AXDND1: variants seen among roughly 807,000 people sequenced by gnomAD.
AXDND1 encodes the protein axonemal dynein light chain domain-containing protein 1.
Under a neutral mutation model 137.5 loss-of-function variants are expected in AXDND1, and 110 were observed. That is an observed-to-expected ratio of 0.80 (90% confidence interval 0.69 to 0.94). The LOEUF (loss-of-function observed/expected upper bound fraction) is 0.94, where lower values mean the gene tolerates loss of function less well. Among genes scored for constraint, AXDND1 ranks in the 40% least tolerant of loss-of-function variants. The pLI, the probability that AXDND1 is intolerant of heterozygous loss-of-function variation, is 0.00. For missense variants in AXDND1, 1,191 were observed against 1,169.8 expected (o/e 1.02, Z -0.26); for synonymous variants, 414 against 399.7 (o/e 1.04, Z -0.43).
rs186147427 is a variant in AXDND1 at position 179,542,730 on chromosome 1, T to C, written c.3031+7768T>C. On this transcript the variant is annotated intron_variant, in intron 25 of 25. Coordinates refer to ENST00000367618, the MANE Select transcript of AXDND1 (RefSeq NM_144696.6). ...TCCATTCCCACGAAAGTCTTGAGGA[T>C]TCGGTTAAATCCAGAACTGAGAAGT... 3.3e-5 allele frequency among the ~76,000 whole-genome samples: 5 copies of C among 152,334 alleles called. 1 individual carries two copies. Among genetic ancestry groups the C allele is most frequent in the Admixed American group, 3.3e-4 (5 of 15,310 alleles).
chr1:179,533,792 CAGAG>C lies in AXDND1; in HGVS notation c.2718_2721del (p.Arg906SerfsTer18). On this transcript the variant is annotated splice_acceptor_variant and coding_sequence_variant, in exon 24 of 26. Transcript: ENST00000367618. LOFTEE classifies it high-confidence loss of function. ...CATTCATATCTCATATTTCCTCTGT[CAGAG>C]AGAGTCAGCTAAGCAAGGTACATTG... 1 of 1,606,156 alleles carries C rather than the reference CAGAG, an allele frequency of 6.2e-7. No individual in the cohort carries two copies. Among genetic ancestry groups the C allele is most frequent in the Non-Finnish European group, 8.5e-7 (1 of 1,173,364 alleles).
intron 20 of AXDND1, among the ~76,000 whole-genome samples, chr1:179,495,035 C>G (rs2125591549): frequency 6.6e-6 from 1 of 152,244 alleles, no homozygotes. Context: ...TGGTATTATT[C>G]TGGACATTCT....
At chr1:179,382,605 C>T (rs1378585943) in intron 6 of AXDND1, 95 bp from the exon 7 acceptor site, 1 of 833,930 alleles carries the variant, frequency 1.2e-6, no homozygotes, top group South Asian at 1.7e-5. Context: ...GAGAATGGTA[C>T]TTAGAAACCA....
chr1:179,447,836 A>G (rs940990719), intron 16 of AXDND1: 3 of 1,306,112 alleles, frequency 2.3e-6, no homozygotes, highest in African/African-American at 1.4e-5. Context: ...GTAGTGCCCA[A>G]CATCCCACCT....
chr1:179,466,281 TCTTC>T (rs773518379), intron 16 of AXDND1, among the ~76,000 whole-genome samples: 64 of 105,284 alleles, frequency 6.1e-4, no homozygotes, highest in African/African-American at 9.9e-4. Context: ...TTCTTCTTCT[TCTTC>T]TTTTTTTTTT....
chr1:179,379,940 C>T (rs572739442), intron 6 of AXDND1, among the ~76,000 whole-genome samples: 1 of 152,000 alleles, frequency 6.6e-6, no homozygotes, highest in East Asian at 1.9e-4. Context: ...AGCCAGCCAT[C>T]CTAATACAAT....
chr1:179,391,085 C>T (rs1035337011), intron 9 of AXDND1, among the ~76,000 whole-genome samples: 2 of 149,044 alleles, frequency 1.3e-5, no homozygotes, highest in African/African-American at 4.9e-5. Context: ...GGATTACAGG[C>T]GTGAGCCACT....
chr1:179,507,349 C>T (rs1668632886), intron 20 of AXDND1, among the ~76,000 whole-genome samples: 2 of 152,066 alleles, frequency 1.3e-5, no homozygotes, highest in East Asian at 3.8e-4. Context: ...TTTTCCTCAT[C>T]AGAAGTCTTA....
In AXDND1 at chr1:179,432,347, G is replaced by A; in HGVS notation, c.1563+5G>A. ...GACTTCAAACAGTGGCAGAAGGTAA[G>A]ACTTTTTAATAAAGAGCTTGGCAAT... On this transcript the variant is annotated splice_donor_5th_base_variant and intron_variant, in intron 15 of 25. Transcript: ENST00000367618. 1 of 1,561,518 alleles carries A rather than the reference G, an allele frequency of 6.4e-7. No individual in the cohort carries two copies. Among genetic ancestry groups the A allele is most frequent in the Non-Finnish European group, 8.7e-7 (1 of 1,151,186 alleles).
intron 3 of AXDND1, among the ~76,000 whole-genome samples, 197 bp from the exon 4 acceptor site, chr1:179,369,778 C>A (rs1040401399): frequency 6.6e-6 from 1 of 152,122 alleles, no homozygotes; most frequent in African/African-American, 2.4e-5. Context: ...TAATTGCTAC[C>A]CTTAATGTTT....
intron 15 of AXDND1, among the ~76,000 whole-genome samples, chr1:179,432,616 AG>A (rs1651580214): frequency 6.6e-6 from 1 of 152,152 alleles, no homozygotes; most frequent in East Asian, 1.9e-4. Flanking sequence ...AGTAGATACA[AG>A]GTTTCACCAT....
chr1:179,370,760 A>C (rs542333951), intron 4 of AXDND1, among the ~76,000 whole-genome samples: 53 of 152,332 alleles, frequency 3.5e-4, no homozygotes, highest in African/African-American at 1.2e-3. Context: ...TTTACACTTA[A>C]CATACTTGAG....
intron 16 of AXDND1, chr1:179,455,593 C>CAAA (rs57868830): frequency 2.3e-3 from 191 of 83,198 alleles, no homozygotes; most frequent in Non-Finnish European, 3.3e-3. Context: ...GACTCCGTCT[C>CAAA]AAAAAAAAAA....
chr1:179,411,325 GT>G, intron 12 of AXDND1, 59 bp downstream of exon 12: 1 of 1,543,000 alleles, frequency 6.5e-7, no homozygotes, highest in Non-Finnish European at 8.7e-7. Context: ...TCATTCTACA[GT>G]TTTAAAATTT....
chr1:179,533,972 C>T (rs1671276368), intron 24 of AXDND1, 95 bp downstream of exon 24: 2 of 1,028,684 alleles, frequency 1.9e-6, no homozygotes, highest in Non-Finnish European at 3.0e-6. Flanking sequence ...CTTTGGCTCT[C>T]CTGCTTTCTT....
chr1:179,541,828 AC>A (rs1428019937), intron 25 of AXDND1, among the ~76,000 whole-genome samples: 1 of 152,160 alleles, frequency 6.6e-6, no homozygotes, highest in East Asian at 1.9e-4. Flanking sequence ...AATAGAAACA[AC>A]CTACGTGTTC....
intron 4 of AXDND1, among the ~76,000 whole-genome samples, chr1:179,375,253 C>G (rs1394856587): frequency 6.6e-6 from 1 of 151,644 alleles, no homozygotes; most frequent in African/African-American, 2.4e-5. Flanking sequence ...TGCCTGCCAC[C>G]ACATCTGGCT....
intron 16 of AXDND1, among the ~76,000 whole-genome samples, chr1:179,460,845 T>C (rs1250555062): frequency 1.3e-5 from 2 of 152,246 alleles, no homozygotes; most frequent in Non-Finnish European, 2.9e-5. Context: ...TGCATAAATG[T>C]ATTCTTTTGA....
At chr1:179,408,029 C>G (rs1653251741) in intron 11 of AXDND1, among the ~76,000 whole-genome samples, 1 of 152,228 alleles carries the variant, frequency 6.6e-6, no homozygotes, top group East Asian at 1.9e-4. Flanking sequence ...ATTCCTTCTT[C>G]TACTTGATAT....
Sources: allele counts gnomAD v4.1 joint callset (sites outside exome capture counted in the v4.1 genomes callset), GRCh38; gene constraint gnomAD v4.1.1; transcripts MANE v1.5; gene names NCBI Gene and HGNC (gene_info 2026-07-23, HGNC 2026-07-21).